HEATR5B: variants seen among roughly 807,000 people sequenced by gnomAD.
The protein encoded by HEATR5B is HEAT repeat containing 5B.
In HEATR5B, 156 loss-of-function variants were observed where a neutral mutation model predicts 224.1. The ratio of observed to expected loss-of-function variants is 0.70; its 90% CI spans 0.61 to 0.80. The LOEUF is 0.80. Ranked by LOEUF, HEATR5B falls within the 30% of genes least tolerant of loss-of-function variation. HEATR5B has a pLI of 0.00. For missense variants in HEATR5B, 2,323 were observed against 2,535.5 expected, an observed-to-expected ratio of 0.92 and a Z score of 1.80; for synonymous variants, 1,027 against 893.0, an observed-to-expected ratio of 1.15 and a Z score of -2.68.
At chr2:37,014,384 G>C (rs1411794318) in intron 26 of HEATR5B, among the ~76,000 whole-genome samples, 2 of 151,500 alleles carry the variant, frequency 1.3e-5, no homozygotes, top group East Asian at 2.0e-4. Context: ...GGATGGTCTC[G>C]ATCTCCTGAC....
At chr2:37,047,780 T>C (rs1186278322) in intron 18 of HEATR5B, among the ~76,000 whole-genome samples, 3 of 152,216 alleles carry the variant, frequency 2.0e-5, no homozygotes, top group Admixed American at 6.5e-5. Flanking sequence ...TCAGATATTA[T>C]ATCAGAAGAG....
At chr2:36,989,899 CTTTTTTTTTT>C (rs766148486) in intron 34 of HEATR5B, among the ~76,000 whole-genome samples, 13 of 88,910 alleles carry the variant, frequency 1.5e-4, no homozygotes, top group Admixed American at 8.9e-4. Flanking sequence ...AGAATGTTTC[CTTTTTTTTTT>C]TTTTTTTTTT....
chr2:37,039,263 G>C (rs1243606073), intron 20 of HEATR5B, among the ~76,000 whole-genome samples: 1 of 151,814 alleles, frequency 6.6e-6, no homozygotes, highest in African/African-American at 2.4e-5. Context: ...TCAGGAGTTC[G>C]AGACCAGCCT....
chr2:37,078,183 A>G (rs1243907371), intron 3 of HEATR5B, among the ~76,000 whole-genome samples: 1 of 152,230 alleles, frequency 6.6e-6, no homozygotes, highest in African/African-American at 2.4e-5. Context: ...AAAAATAAAT[A>G]AAAGCTATGT....
intron 22 of HEATR5B, 33 bp from the exon 23 acceptor site, chr2:37,028,953 G>T (rs560453732): frequency 6.2e-7 from 1 of 1,607,120 alleles, no homozygotes; most frequent in Non-Finnish European, 8.5e-7. Context: ...GAATTTGTAT[G>T]GTATTTTGGT....
At chr2:37,023,837 G>A (rs1474573639) in intron 24 of HEATR5B, among the ~76,000 whole-genome samples, 1 of 151,942 alleles carries the variant, frequency 6.6e-6, no homozygotes. Context: ...GTGGGTGGGA[G>A]GCAAGCAGAG....
At chr2:37,049,357 T>C (rs1670393738) in intron 18 of HEATR5B, among the ~76,000 whole-genome samples, 1 of 152,204 alleles carries the variant, frequency 6.6e-6, no homozygotes, top group Non-Finnish European at 1.5e-5. Context: ...AGAGCACCTC[T>C]TCAGTGAATA....
chr2:37,064,716 C>T, intron 10 of HEATR5B, 24 bp downstream of exon 10: 1 of 1,610,708 alleles, frequency 6.2e-7, no homozygotes. Flanking sequence ...GACAGCATTC[C>T]CAAGTCTAGG....
At position 37,056,626 on chromosome 2, in the gene HEATR5B, G is replaced by C; in HGVS notation, c.2224-11C>G. 3 of 1,572,786 alleles carry C rather than the reference G, an allele frequency of 1.9e-6. No homozygotes were observed. The highest frequency in any genetic ancestry group is 2.6e-6 in the Non-Finnish European group (3 of 1,160,254). On this transcript the variant is annotated splice_polypyrimidine_tract_variant and intron_variant, in intron 15 of 35. Coordinates refer to ENST00000233099, the MANE Select transcript of HEATR5B (RefSeq NM_019024.3). The stretch of plus-strand genomic sequence containing the variant: ...ACTGTTTGGCTGGAGCTGCAAAAGA[G>C]TGAAATAAAAATTATTCAAAATCTA...
intron 13 of HEATR5B, 145 bp from the exon 14 acceptor site, chr2:37,058,705 C>CA (rs750044280): frequency 7.5e-5 from 52 of 695,480 alleles, no homozygotes; most frequent in Non-Finnish European, 1.2e-4. Flanking sequence ...TTTGCTGTAA[C>CA]AAAAACACTT....
At chr2:37,021,705 T>G (rs116405224) in intron 24 of HEATR5B, among the ~76,000 whole-genome samples, 1 of 152,030 alleles carries the variant, frequency 6.6e-6, no homozygotes, top group Non-Finnish European at 1.5e-5. Flanking sequence ...CTGGGAAACA[T>G]GGTGAACCCC....
At chr2:37,032,823 C>A (rs754452691) in intron 21 of HEATR5B, 50 bp from the exon 22 acceptor site, 5 of 1,517,558 alleles carry the variant, frequency 3.3e-6, no homozygotes, top group Non-Finnish European at 4.5e-6. Flanking sequence ...AGCTGTAATT[C>A]TTTAATCTTA....
intron 17 of HEATR5B, among the ~76,000 whole-genome samples, chr2:37,050,840 C>G (rs539378242): frequency 2.0e-5 from 3 of 152,118 alleles, no homozygotes; most frequent in Non-Finnish European, 4.4e-5. Context: ...GAGATCAAGA[C>G]CATCCTGGCC....
At position 37,059,459 on chromosome 2, in the gene HEATR5B, TATA is replaced by T. The variant is rs1440427586; in HGVS notation, c.1850-475_1850-473del. Among the ~76,000 whole-genome samples the T allele has an allele frequency of 1.5e-3, 166 of 111,510 alleles. 3 individuals carry two copies. The highest frequency in any genetic ancestry group is 1.7e-3 in the Non-Finnish European group (95 of 55,142). The allele number at this position is 111,510 out of a possible 152,430, so 73.2% of individuals were successfully genotyped here. A position where few individuals can be genotyped will look rare whatever the true frequency, so the allele number is the denominator to read the frequency against. On this transcript the variant is annotated intron_variant, in intron 12 of 35. Coordinates refer to ENST00000233099, the MANE Select transcript of HEATR5B (RefSeq NM_019024.3). ...GTGTGTGTGTGTGTATATATATATA[TATA>T]TATTTTTTTTTTTTTTTTTTTGAGA... is the stretch of plus-strand genomic sequence containing the variant.
chr2:37,067,585 G>A (rs1382592833), intron 8 of HEATR5B, among the ~76,000 whole-genome samples: 1 of 152,046 alleles, frequency 6.6e-6, no homozygotes, highest in Admixed American at 6.6e-5. Flanking sequence ...CCTGGCCAAT[G>A]TGGTGAAACC....
At chr2:37,043,631 G>T (rs543152518) in intron 18 of HEATR5B, among the ~76,000 whole-genome samples, 2 of 152,176 alleles carry the variant, frequency 1.3e-5, no homozygotes, top group East Asian at 3.9e-4. Flanking sequence ...AATATTTAAA[G>T]GGTGCTCATT....
chr2:37,056,365 T>C (rs1344794794), intron 16 of HEATR5B, 75 bp downstream of exon 16: 5 of 1,016,466 alleles, frequency 4.9e-6, no homozygotes, highest in Non-Finnish European at 4.2e-6. Context: ...CAGAGTTAAC[T>C]GGGATGAGAA....
At chr2:37,022,563 T>C (rs1315836671) in intron 24 of HEATR5B, among the ~76,000 whole-genome samples, 3 of 152,224 alleles carry the variant, frequency 2.0e-5, no homozygotes, top group African/African-American at 7.2e-5. Context: ...GAAATGAGTG[T>C]GCTGTGCTCC....
In HEATR5B at chr2:37,003,697, T is replaced by G; in HGVS notation, c.4906-11A>C. On this transcript the variant is annotated splice_polypyrimidine_tract_variant and intron_variant, in intron 30 of 35. Transcript: ENST00000233099. The stretch of plus-strand genomic sequence containing the variant: ...CTCAACACCTATCAGCTAATACAAA[T>G]AAATACAAATACAGTTAAGTAATTT... 1 of 1,566,550 alleles carries G rather than the reference T, an allele frequency of 6.4e-7. No homozygotes were observed. Among genetic ancestry groups the G allele is most frequent in the Non-Finnish European group, 8.7e-7 (1 of 1,153,402 alleles).
Sources: allele counts gnomAD v4.1 joint callset (sites outside exome capture counted in the v4.1 genomes callset), GRCh38; gene constraint gnomAD v4.1.1; transcripts MANE v1.5; gene names NCBI Gene and HGNC (gene_info 2026-07-23, HGNC 2026-07-21).